Variants in COL23A1 observed in about 807,000 individuals in gnomAD.
COL23A1 encodes the protein collagen alpha-1(XXIII) chain.
Under a neutral mutation model 99.3 loss-of-function variants are expected in COL23A1, and 97 were observed. The ratio of observed to expected loss-of-function variants is 0.98; its 90% CI spans 0.83 to 1.16. COL23A1 has a LOEUF of 1.16. Ranked by LOEUF, COL23A1 falls within the 50% of genes most tolerant of loss-of-function variation. The pLI is 0.00. For missense variants in COL23A1, 762 were observed against 757.4 expected, an observed-to-expected ratio of 1.01 and a Z score of -0.07; for synonymous variants, 320 against 308.2, an observed-to-expected ratio of 1.04 and a Z score of -0.40.
At chr5:178,336,908 G>A (rs1413802676) in intron 2 of COL23A1, among the ~76,000 whole-genome samples, 2 of 152,210 alleles carry the variant, frequency 1.3e-5, no homozygotes, top group Non-Finnish European at 2.9e-5. Flanking sequence ...TGAAACAAGT[G>A]CAACTTTCCT....
chr5:178,509,201 C>T (rs574384422), intron 2 of COL23A1, among the ~76,000 whole-genome samples: 4 of 150,860 alleles, frequency 2.7e-5, no homozygotes, highest in South Asian at 2.1e-4. Context: ...ATCGGACCTC[C>T]GGAATCAGAA....
chr5:178,547,469 CCACACACCCACA>C (rs1216728993), intron 2 of COL23A1, among the ~76,000 whole-genome samples: 2 of 59,206 alleles, frequency 3.4e-5, no homozygotes, highest in African/African-American at 1.0e-4. Context: ...GCACACACAC[CCACACACCCACA>C]CACACACCCA....
chr5:178,385,620 C>T (rs113008864), intron 2 of COL23A1, among the ~76,000 whole-genome samples: 15 of 152,190 alleles, frequency 9.9e-5, no homozygotes, highest in Admixed American at 5.9e-4. Flanking sequence ...GCCCTTCCCC[C>T]GAAGCTTCCC....
At chr5:178,290,542 A>G (rs1050904806) in intron 3 of COL23A1, among the ~76,000 whole-genome samples, 173 bp from the exon 4 acceptor site, 1 of 152,218 alleles carries the variant, frequency 6.6e-6, no homozygotes, top group African/African-American at 2.4e-5. Flanking sequence ...GGGGCAGAGC[A>G]GAAGGAGCAC....
chr5:178,252,683 G>C, intron 16 of COL23A1, 86 bp from the exon 17 acceptor site: 1 of 1,154,044 alleles, frequency 8.7e-7, no homozygotes, highest in Non-Finnish European at 1.3e-6. Context: ...CTGGAATCAA[G>C]TCCCCGTCCA....
chr5:178,587,699 T>C (rs1000390499), intron 1 of COL23A1, among the ~76,000 whole-genome samples: 10 of 152,242 alleles, frequency 6.6e-5, no homozygotes, highest in Admixed American at 2.6e-4. Flanking sequence ...TCATATCTAA[T>C]GGCTTGAAAA....
intron 2 of COL23A1, among the ~76,000 whole-genome samples, chr5:178,382,411 A>C (rs1324928115): frequency 6.6e-6 from 1 of 150,418 alleles, no homozygotes; most frequent in Non-Finnish European, 1.5e-5. Flanking sequence ...CATGTTGGAA[A>C]CGCCCCTTCG....
At chr5:178,356,886 G>A (rs1454902163) in intron 2 of COL23A1, among the ~76,000 whole-genome samples, 1 of 151,890 alleles carries the variant, frequency 6.6e-6, no homozygotes, top group Non-Finnish European at 1.5e-5. Flanking sequence ...TCTGCGCACT[G>A]AGCCTCTCCA....
chr5:178,546,540 G>A (rs546790416), intron 2 of COL23A1, among the ~76,000 whole-genome samples: 19 of 152,270 alleles, frequency 1.2e-4, no homozygotes, highest in African/African-American at 4.3e-4. Flanking sequence ...GAGCTGCCTC[G>A]TCCTGACACT....
In COL23A1 at chr5:178,353,954, A is replaced by C. The variant is rs945303894; in HGVS notation, c.362-47035T>G. 3.5e-5 allele frequency among the ~76,000 whole-genome samples: 5 copies of C among 143,668 alleles called. No individual in the cohort carries two copies. In the East Asian group the frequency reaches 7.9e-4, roughly 23 times the overall value. The allele number at this position is 143,668 out of a possible 152,430, so 94.3% of individuals were successfully genotyped here. On this transcript the variant is annotated intron_variant, in intron 2 of 28. Coordinates refer to ENST00000390654, the MANE Select transcript of COL23A1 (RefSeq NM_173465.4). ...ACCGTTGAGTTAAAAAAAAAAAAAA[A>C]CCAAAAAAACCCCAACAAAAAACAG...
At chr5:178,530,124 G>T (rs1257340733) in intron 2 of COL23A1, among the ~76,000 whole-genome samples, 1 of 152,186 alleles carries the variant, frequency 6.6e-6, no homozygotes, top group Admixed American at 6.5e-5. Flanking sequence ...ATGCACAGCG[G>T]TTTTAAGCAG....
chr5:178,582,949 C>T (rs992105341), intron 1 of COL23A1, among the ~76,000 whole-genome samples: 4 of 152,250 alleles, frequency 2.6e-5, no homozygotes, highest in African/African-American at 9.6e-5. Flanking sequence ...GGTTCGCAGA[C>T]ATTCGTCCCT....
At chr5:178,453,529 C>T (rs1400344239) in intron 2 of COL23A1, among the ~76,000 whole-genome samples, 1 of 152,128 alleles carries the variant, frequency 6.6e-6, no homozygotes, top group Non-Finnish European at 1.5e-5. Flanking sequence ...TCCTGAAGCA[C>T]CCACGCTTCA....
chr5:178,288,602 C>T (rs1757286993), intron 4 of COL23A1: 2 of 600,398 alleles, frequency 3.3e-6, no homozygotes, highest in East Asian at 2.8e-5. Context: ...CACATGTGTG[C>T]CCTCCCCACG....
intron 2 of COL23A1, among the ~76,000 whole-genome samples, chr5:178,368,347 C>A (rs1262202461): frequency 6.6e-6 from 1 of 152,120 alleles, no homozygotes; most frequent in Non-Finnish European, 1.5e-5. Context: ...GCAGAGAGTT[C>A]CCATATCCCC....
chr5:178,506,842 CTTTT>C (rs1290950255), intron 2 of COL23A1, among the ~76,000 whole-genome samples: 1 of 152,088 alleles, frequency 6.6e-6, no homozygotes, highest in Non-Finnish European at 1.5e-5. Flanking sequence ...ATTTGTGGTT[CTTTT>C]TGTCTCTTTG....
intron 2 of COL23A1, among the ~76,000 whole-genome samples, chr5:178,391,313 T>C (rs187516281): frequency 1.6e-4 from 25 of 152,284 alleles, no homozygotes; most frequent in Admixed American, 1.5e-3. Context: ...AGATAAGCCA[T>C]GGAATGGCAG....
intron 2 of COL23A1, among the ~76,000 whole-genome samples, chr5:178,371,564 A>T (rs1175193076): frequency 6.6e-6 from 1 of 152,148 alleles, no homozygotes; most frequent in Non-Finnish European, 1.5e-5. Context: ...GACGGGCCTG[A>T]GCCTCCCTCA....
chr5:178,444,738 G>C (rs1767065073), intron 2 of COL23A1, among the ~76,000 whole-genome samples: 1 of 152,196 alleles, frequency 6.6e-6, no homozygotes, highest in African/African-American at 2.4e-5. Flanking sequence ...AGAGGTTGCA[G>C]TGAGCTGAGA....
Sources: gnomAD v4.1 joint callset for allele counts (sites outside exome capture counted in the v4.1 genomes callset) on GRCh38, gnomAD v4.1.1 for gene constraint, MANE v1.5 for transcripts, NCBI Gene and HGNC (gene_info 2026-07-23, HGNC 2026-07-21) for gene names.